Variants in WDR70 observed in about 807,000 individuals in gnomAD.
WDR70 encodes WD repeat domain 70.
In WDR70, 53 loss-of-function variants were observed where a neutral mutation model predicts 88.6. That is an observed-to-expected ratio of 0.60 (90% CI 0.48 to 0.75). The LOEUF (loss-of-function observed/expected upper bound fraction) is 0.75. Among genes scored for constraint, WDR70 ranks in the 30% least tolerant of loss-of-function variants. The pLI is 0.00. For synonymous variants in WDR70, 280 were observed against 270.0 expected (o/e 1.04, Z -0.36); for missense variants, 610 against 823.2 (o/e 0.74, Z 3.17).
chr5:37,701,923 A>T (rs1001505569), intron 12 of WDR70, among the ~76,000 whole-genome samples: 1 of 152,130 alleles, frequency 6.6e-6, no homozygotes, highest in Non-Finnish European at 1.5e-5. Context: ...ACTTGTTCAG[A>T]CTGTCTTGCT....
chr5:37,630,616 G>C (rs192904700), intron 10 of WDR70, among the ~76,000 whole-genome samples: 1 of 152,298 alleles, frequency 6.6e-6, no homozygotes, highest in Non-Finnish European at 1.5e-5. Context: ...GTGCAATTGG[G>C]AGTGTGGCCC....
At position 37,666,855 on chromosome 5, in the gene WDR70, T is replaced by G. The variant is rs377559749; in HGVS notation, c.1093-30800T>G. Among the ~76,000 whole-genome samples, 46 of 152,326 alleles carry G rather than the reference T, an allele frequency of 3.0e-4. 2 individuals are homozygous for G. The South Asian group carries it at 9.3e-3, about 31-fold the overall frequency. ...CATGTCTAGGGTAACTAACCTTACC[T>G]TTCTGCACCCCATACTCTCCCTGGA... On this transcript the variant is annotated intron_variant, in intron 10 of 17. Coordinates refer to ENST00000265107, the MANE Select transcript of WDR70 (RefSeq NM_018034.4).
intron 9 of WDR70, among the ~76,000 whole-genome samples, chr5:37,574,310 T>G (rs1742994660): frequency 6.6e-6 from 1 of 152,184 alleles, no homozygotes; most frequent in Non-Finnish European, 1.5e-5. Flanking sequence ...CAGGTGAAGG[T>G]TGTCAGTTAA....
At chr5:37,723,338 G>A (rs1428997283) in intron 15 of WDR70, 1 of 188,116 alleles carries the variant, frequency 5.3e-6, no homozygotes, top group African/African-American at 2.4e-5. Context: ...GGGAAGTGTG[G>A]CGACCAGAGG....
intron 10 of WDR70, among the ~76,000 whole-genome samples, chr5:37,689,901 A>T (rs1027551831): frequency 2.6e-5 from 4 of 152,196 alleles, no homozygotes; most frequent in African/African-American, 9.7e-5. Context: ...GGTCGGTAAT[A>T]ACAAACTTCT....
At chr5:37,558,206 T>C (rs1742372190) in intron 9 of WDR70, among the ~76,000 whole-genome samples, 1 of 152,164 alleles carries the variant, frequency 6.6e-6, no homozygotes, top group Non-Finnish European at 1.5e-5. Context: ...TTAGGAATAC[T>C]GATATGATGT....
Position 37,396,397 on chromosome 5 carries a change from G to A in WDR70, c.319G>A (p.Glu107Lys), listed in dbSNP as rs1458611534. The A allele has an allele frequency of 1.2e-6, 2 of 1,612,244 alleles. No homozygotes were observed. The highest frequency in any genetic ancestry group is 2.2e-5 in the East Asian group (1 of 44,828). ...SSRDTSSSES[E>K]QSSDSSDDEL... is the part of the protein sequence containing the mutation. ...CAGGGATACGAGCAGCAGTGAAAGT[G>A]AACAGAGTTCTGACTCTTCTGATGA... Residue 107 changes from glutamate to lysine, a missense_variant, in exon 5 of 18, where the codon GAA becomes AAA. Transcript: ENST00000265107.
chr5:37,639,009 A>G (rs922585668), intron 10 of WDR70, among the ~76,000 whole-genome samples: 3 of 152,214 alleles, frequency 2.0e-5, no homozygotes, highest in East Asian at 1.9e-4. Flanking sequence ...GAGCAAAATT[A>G]GACTATTCAC....
intron 5 of WDR70, among the ~76,000 whole-genome samples, chr5:37,432,481 T>C (rs10064719): frequency 0.76 from 115,932 of 151,726 alleles, 48,171 homozygotes; most frequent in East Asian, 0.96. Flanking sequence ...CTCCGCCTCC[T>C]GAGTTCAAGC....
chr5:37,412,184 C>G (rs977527705), intron 5 of WDR70, among the ~76,000 whole-genome samples: 1 of 151,964 alleles, frequency 6.6e-6, no homozygotes, highest in Non-Finnish European at 1.5e-5. Flanking sequence ...GTCAGGAGTT[C>G]GAGACCAGCC....
intron 13 of WDR70, among the ~76,000 whole-genome samples, chr5:37,704,782 C>T (rs527810514): frequency 2.6e-5 from 4 of 151,922 alleles, no homozygotes; most frequent in South Asian, 4.2e-4. Context: ...TGTAAATCTT[C>T]GGTTAGGTGT....
intron 13 of WDR70, among the ~76,000 whole-genome samples, chr5:37,716,001 G>A (rs1174551921): frequency 6.6e-6 from 1 of 152,110 alleles, no homozygotes; most frequent in Non-Finnish European, 1.5e-5. Context: ...CTCTATACAA[G>A]TCTGCAAAAT....
chr5:37,500,578 A>G (rs1740376141), intron 8 of WDR70, among the ~76,000 whole-genome samples: 1 of 152,102 alleles, frequency 6.6e-6, no homozygotes, highest in Admixed American at 6.6e-5. Flanking sequence ...TTTTCACCAC[A>G]TGCACACCAA....
intron 10 of WDR70, among the ~76,000 whole-genome samples, chr5:37,664,294 A>G (rs1446761471): frequency 6.6e-6 from 1 of 152,216 alleles, no homozygotes. Flanking sequence ...AAGTTGAAAA[A>G]TTAAACTCCA....
chr5:37,411,817 A>G (rs1416076313), intron 5 of WDR70, among the ~76,000 whole-genome samples: 2 of 152,100 alleles, frequency 1.3e-5, no homozygotes, highest in Non-Finnish European at 2.9e-5. Context: ...CACTGTCCCA[A>G]CTGTGATTAA....
rs181911690 is a variant in WDR70, at chr5:37,549,487, A to G, written c.917+32897A>G. Among the ~76,000 whole-genome samples, 24 of 152,180 alleles carry G rather than the reference A, an allele frequency of 1.6e-4. No individual in the cohort carries two copies. In the East Asian group the frequency reaches 4.2e-3, roughly 27 times the overall value. ...ACTGATTTTTTTATGTTGATTTTGT[A>G]TTCTGTAACTTTACTGAAGTTGTTT... On this transcript the variant is annotated intron_variant, in intron 9 of 17. Transcript: ENST00000265107.
At chr5:37,615,699 C>T (rs184656856) in intron 10 of WDR70, among the ~76,000 whole-genome samples, 14 of 152,334 alleles carry the variant, frequency 9.2e-5, no homozygotes, top group South Asian at 2.1e-4. Context: ...CCAGAACTTA[C>T]GCTCAATATA....
intron 8 of WDR70, 114 bp from the exon 9 acceptor site, chr5:37,516,400 C>A: frequency 1.9e-6 from 1 of 524,532 alleles, no homozygotes; most frequent in South Asian, 2.8e-5. Context: ...TAAAATGGTG[C>A]CCTTTTGGGG....
chr5:37,576,010 C>T (rs372849064), intron 9 of WDR70, among the ~76,000 whole-genome samples: 2 of 151,958 alleles, frequency 1.3e-5, no homozygotes, highest in Non-Finnish European at 1.5e-5. Context: ...AGAAGTATTA[C>T]GAGTATAAAA....
Sources: allele counts gnomAD v4.1 joint callset (sites outside exome capture counted in the v4.1 genomes callset), GRCh38; gene constraint gnomAD v4.1.1; transcripts MANE v1.5; gene names NCBI Gene and HGNC (gene_info 2026-07-23, HGNC 2026-07-21).